The following NUP35 variants were observed in gnomAD, a reference collection of about 807,000 sequenced individuals.
NUP35 encodes nucleoporin NUP35.
A neutral mutation model predicts 41.5 loss-of-function variants in NUP35; 25 were observed. That is an observed-to-expected ratio of 0.60 (90% CI 0.44 to 0.84). The LOEUF (loss-of-function observed/expected upper bound fraction) is 0.84. NUP35 is among the 40% of genes least tolerant of loss of function. The pLI is 0.00. For missense variants in NUP35, 396 were observed against 396.6 expected (o/e 1.00, Z 0.01); for synonymous variants, 149 against 130.7 (o/e 1.14, Z -0.96).
At chr2:183,123,230 C>T (rs1700094579), upstream of NUP35, among the ~76,000 whole-genome samples, 1 of 152,166 alleles carries the variant, frequency 6.6e-6, no homozygotes, top group Non-Finnish European at 1.5e-5. Flanking sequence ...GATTTTTGGC[C>T]TCCAGAACTG....
chr2:183,128,215 C>T (rs111459171), intron 1 of NUP35, 72 bp from the exon 2 acceptor site: 5 of 1,215,226 alleles, frequency 4.1e-6, no homozygotes, highest in Non-Finnish European at 5.5e-6. Context: ...TAGATTCTTG[C>T]ATGTTTTTGT....
intron 4 of NUP35, among the ~76,000 whole-genome samples, chr2:183,135,668 A>G (rs1253932506): frequency 6.6e-6 from 1 of 152,174 alleles, no homozygotes; most frequent in Non-Finnish European, 1.5e-5. Flanking sequence ...TAATACAATA[A>G]CAGGGAAAGA....
upstream of NUP35, among the ~76,000 whole-genome samples, chr2:183,122,568 A>G (rs1028183529): frequency 6.6e-6 from 1 of 152,168 alleles, no homozygotes; most frequent in African/African-American, 2.4e-5. Context: ...CTCATATCAA[A>G]TCCATCTAAT....
chr2:183,123,689 C>A (rs1700100492), upstream of NUP35: 1 of 563,510 alleles, frequency 1.8e-6, no homozygotes, highest in Non-Finnish European at 2.2e-6. Context: ...TATATTTTTA[C>A]ACACACATAT....
chr2:183,138,047 T>C (rs1229170098), intron 4 of NUP35, among the ~76,000 whole-genome samples: 1 of 151,840 alleles, frequency 6.6e-6, no homozygotes, highest in East Asian at 1.9e-4. Flanking sequence ...AATTGGCCAC[T>C]GGGAGCCACT....
intron 4 of NUP35, among the ~76,000 whole-genome samples, chr2:183,135,645 G>T (rs1181586814): frequency 6.6e-6 from 1 of 152,098 alleles, no homozygotes; most frequent in Non-Finnish European, 1.5e-5. Flanking sequence ...AAGTAGGCAG[G>T]CAAGAAGGGA....
intron 1 of NUP35, 112 bp from the exon 2 acceptor site, chr2:183,128,175 A>T (rs1684565252): frequency 6.0e-6 from 4 of 661,244 alleles, no homozygotes; most frequent in Non-Finnish European, 9.3e-6. Context: ...ATTATATCTA[A>T]AAGTTTTGAT....
At chr2:183,132,959 T>C (rs947358419) in intron 3 of NUP35, among the ~76,000 whole-genome samples, 1 of 152,252 alleles carries the variant, frequency 6.6e-6, no homozygotes, top group Admixed American at 6.5e-5. Context: ...AAAATCTTTA[T>C]TGAGTTCTAG....
At chr2:183,159,417 T>G (rs536775622) in intron 7 of NUP35, 71 bp from the exon 8 acceptor site, 1 of 1,113,522 alleles carries the variant, frequency 9.0e-7, no homozygotes. Flanking sequence ...TTAAATTTTC[T>G]AAGTAGGATG....
intron 1 of NUP35, among the ~76,000 whole-genome samples, chr2:183,126,105 C>T (rs1004132267): frequency 1.3e-5 from 2 of 152,124 alleles, no homozygotes; most frequent in African/African-American, 4.8e-5. Context: ...CGTGCAGTCT[C>T]AGCTCACTGC....
chr2:183,155,450 G>A (rs1170395393), intron 5 of NUP35, among the ~76,000 whole-genome samples: 2 of 152,118 alleles, frequency 1.3e-5, no homozygotes, highest in African/African-American at 4.8e-5. Context: ...TGGGTAAAAA[G>A]CGGGTCATTG....
At chr2:183,137,345 G>A (rs191853434) in intron 4 of NUP35, among the ~76,000 whole-genome samples, 181 of 152,216 alleles carry the variant, frequency 1.2e-3, no homozygotes, top group Admixed American at 2.8e-3. Flanking sequence ...CTGTAATCCC[G>A]AGGCAGGTGG....
intron 7 of NUP35, 21 bp downstream of exon 7, chr2:183,158,432 G>T: frequency 6.4e-7 from 1 of 1,571,836 alleles, no homozygotes; most frequent in African/African-American, 1.4e-5. Context: ...GGTGATGTAG[G>T]CAAAGTAGCT....
intron 4 of NUP35, among the ~76,000 whole-genome samples, chr2:183,151,245 G>C (rs536725120): frequency 8.5e-5 from 13 of 152,306 alleles, no homozygotes; most frequent in Admixed American, 7.8e-4. Flanking sequence ...TCTGGTGTCA[G>C]CTTAACCAGA....
chr2:183,148,027 T>C (rs981672692), intron 4 of NUP35, among the ~76,000 whole-genome samples: 2 of 152,222 alleles, frequency 1.3e-5, no homozygotes, highest in Non-Finnish European at 2.9e-5. Context: ...TGAATACTTT[T>C]TTAAGCACTC....
chr2:183,128,227 A>C, intron 1 of NUP35, 60 bp from the exon 2 acceptor site: 1 of 1,338,000 alleles, frequency 7.5e-7, no homozygotes, highest in Non-Finnish European at 9.9e-7. Context: ...TGTTTTTGTC[A>C]TCAACATGTA....
chr2:183,125,656 A>C (rs1276487850), intron 1 of NUP35, among the ~76,000 whole-genome samples: 4 of 152,098 alleles, frequency 2.6e-5, no homozygotes, highest in Non-Finnish European at 5.9e-5. Flanking sequence ...TCCAGTTCCA[A>C]ATTTTTCTAT....
chr2:183,136,404 A>C (rs766167126), intron 4 of NUP35, among the ~76,000 whole-genome samples: 7 of 152,182 alleles, frequency 4.6e-5, no homozygotes, highest in Non-Finnish European at 7.3e-5. Flanking sequence ...TCTGCTTCCA[A>C]GCTCCTTCAA....
At chr2:183,144,342 G>A (rs34743637) in intron 4 of NUP35, among the ~76,000 whole-genome samples, 1 of 152,074 alleles carries the variant, frequency 6.6e-6, no homozygotes, top group Non-Finnish European at 1.5e-5. Context: ...CAATCAGGTG[G>A]TTGAGTTCAG....
Sources: allele counts gnomAD v4.1 joint callset (sites outside exome capture counted in the v4.1 genomes callset), GRCh38; gene constraint gnomAD v4.1.1; transcripts MANE v1.5; gene names NCBI Gene and HGNC (gene_info 2026-07-23, HGNC 2026-07-21).